CIZ1: variants seen among roughly 807,000 people sequenced by gnomAD.
CIZ1 encodes CDKN1A interacting zinc finger protein 1, also known as cip1-interacting zinc finger protein.
A neutral mutation model predicts 118.6 loss-of-function variants in CIZ1; 58 were observed. The observed-to-expected ratio is 0.49, with a 90% CI of 0.40 to 0.61. CIZ1 has a LOEUF of 0.61. CIZ1 is among the 20% of genes least tolerant of loss of function. The pLI is 0.00. For missense variants in CIZ1, 921 were observed against 1,115.9 expected, an observed-to-expected ratio of 0.83 and a Z score of 2.49; for synonymous variants, 448 against 443.4, an observed-to-expected ratio of 1.01 and a Z score of -0.13.
intron 5 of CIZ1, among the ~76,000 whole-genome samples, chr9:128,184,844 T>C (rs1236211291): frequency 6.6e-6 from 1 of 152,060 alleles, no homozygotes; most frequent in East Asian, 1.9e-4. Context: ...CTTTTTTGTA[T>C]TTTTAGTAGA....
intron 5 of CIZ1, among the ~76,000 whole-genome samples, chr9:128,181,307 G>C (rs554272090): frequency 2.8e-4 from 43 of 152,274 alleles, no homozygotes; most frequent in African/African-American, 9.9e-4. Flanking sequence ...GTAGAGTTGG[G>C]GTTTCACTAT....
intron 1 of CIZ1, among the ~76,000 whole-genome samples, chr9:128,201,270 A>C (rs1455064389): frequency 6.6e-6 from 1 of 151,148 alleles, no homozygotes; most frequent in Non-Finnish European, 1.5e-5. Context: ...TCCGTCTCAA[A>C]AAACAAACAA....
chr9:128,176,393 G>C lies in CIZ1; in HGVS notation c.1901C>G (p.Ser634Cys). 6.2e-7 allele frequency: 1 copy of C among 1,614,108 alleles called. No individual in the cohort carries two copies. Among genetic ancestry groups the C allele is most frequent in the Non-Finnish European group, 8.5e-7 (1 of 1,180,002 alleles). Reference protein sequence around the residue: ...IQHMSQACLLSLLPVPRDVLE... With the variant: ...IQHMSQACLLCLLPVPRDVLE... The stretch of plus-strand genomic sequence containing the variant: ...GACGTCCCGGGGCACGGGCAGCAGG[G>C]ACAGGAGGCAGGCTTGGCTCATGTG... Residue 634 changes from serine (S) to cysteine (C), a missense_variant, in exon 11 of 17, where the codon TCC becomes TGC. Ser to Cys is a moderately radical substitution (Grantham distance 112). Transcript: ENST00000372938.
At chr9:128,191,663 T>C (rs1020375164), upstream of CIZ1, 2 of 1,275,950 alleles carry the variant, frequency 1.6e-6, no homozygotes, top group Admixed American at 4.2e-5. This position sits in a 1 kb window ranked among gnomAD's most constrained non-coding sequence, Gnocchi z 5.5. Context: ...GCCCGCCCAG[T>C]GCACAAGTCA....
At chr9:128,169,281 T>A in intron 13 of CIZ1, 80 bp from the exon 14 acceptor site, 1 of 607,318 alleles carries the variant, frequency 1.6e-6, no homozygotes, top group Non-Finnish European at 2.5e-6. Flanking sequence ...ACCCCTCCCC[T>A]GAGAGTCCCA....
At chr9:128,185,418 C>T (rs1405871342) in intron 5 of CIZ1, 129 bp downstream of exon 5, 7 of 505,238 alleles carry the variant, frequency 1.4e-5, no homozygotes, top group Non-Finnish European at 2.4e-5. Flanking sequence ...CCTCATTTTA[C>T]AGATGAGGAA....
At chr9:128,169,358 G>A (rs376604922) in intron 13 of CIZ1, 48 bp downstream of exon 13, 64 of 1,527,714 alleles carry the variant, frequency 4.2e-5, no homozygotes, top group African/African-American at 9.8e-5. Flanking sequence ...CCTTGGCCAA[G>A]GCTCTGTACC....
At position 128,187,833 on chromosome 9, in the gene CIZ1, T is replaced by TTA. The variant is rs758366536; in HGVS notation, c.358+28_358+29dup. 1.5e-3 allele frequency: 828 copies of TTA among 570,392 alleles called. 1 individual carries two copies. The highest frequency in any genetic ancestry group is 7.3e-3 in the Middle Eastern group (15 of 2,052). 35.3% of individuals were successfully genotyped at this position (570,392 alleles called of 1,614,324 possible). A position where few individuals can be genotyped will look rare whatever the true frequency, so the allele number is the denominator to read the frequency against. The stretch of plus-strand genomic sequence containing the variant: ...AACTTAATTATATGTATATATACAT[T>TTA]TATATATATATATAAAAAGCATATA... On this transcript the variant is annotated intron_variant, in intron 4 of 16. Transcript: ENST00000372938.
chr9:128,182,037 T>C (rs1350036844), intron 5 of CIZ1, among the ~76,000 whole-genome samples: 1 of 152,182 alleles, frequency 6.6e-6, no homozygotes, highest in African/African-American at 2.4e-5. Flanking sequence ...AAGCTGTCTT[T>C]CTCTTTGTCT....
Position 128,182,330 on chromosome 9 carries a change from C to A in CIZ1, c.589-1516G>T, listed in dbSNP as rs983175927. Among the ~76,000 whole-genome samples, 23 of 152,172 alleles carry A rather than the reference C, an allele frequency of 1.5e-4. 1 individual carries two copies. Among genetic ancestry groups the A allele is most frequent in the Non-Finnish European group, 5.9e-5 (4 of 68,034 alleles). ...TCGCCGCACACAGGGAGAGACGCAC[C>A]GACCCTGTGGGGCTGGTCCCTACAG... On this transcript the variant is annotated intron_variant, in intron 5 of 16. Transcript: ENST00000372938.
chr9:128,182,920 G>A (rs45592834), intron 5 of CIZ1, among the ~76,000 whole-genome samples: 21 of 152,016 alleles, frequency 1.4e-4, no homozygotes, highest in South Asian at 8.3e-4. Context: ...CATTGCACCC[G>A]GCCTCCACAG....
At chr9:128,189,745 G>A (rs374367609) in intron 3 of CIZ1, among the ~76,000 whole-genome samples, 22 of 146,382 alleles carry the variant, frequency 1.5e-4, no homozygotes, top group African/African-American at 3.6e-4. Flanking sequence ...GCTTGGACCC[G>A]GGAACCGGAG....
chr9:128,200,696 G>T (rs1352704109), intron 1 of CIZ1, among the ~76,000 whole-genome samples: 80 of 151,896 alleles, frequency 5.3e-4, no homozygotes, highest in Non-Finnish European at 9.1e-4. Context: ...AATTAGCTGG[G>T]CGTGGTGGTG....
chr9:128,178,254 A>C, intron 9 of CIZ1, 115 bp downstream of exon 9: 1 of 1,301,906 alleles, frequency 7.7e-7, no homozygotes, highest in Non-Finnish European at 1.1e-6. Context: ...CTGTCATCCC[A>C]TTTCACGGTG....
rs138675221 is a variant in CIZ1, at chr9:128,182,329, C to T, written c.589-1515G>A. 3.8e-3 allele frequency among the ~76,000 whole-genome samples: 574 copies of T among 152,300 alleles called. 4 individuals are homozygous for T. The highest frequency in any genetic ancestry group is 0.031 in the Middle Eastern group (9 of 294). On this transcript the variant is annotated intron_variant, in intron 5 of 16. Transcript: ENST00000372938. The stretch of plus-strand genomic sequence containing the variant: ...GTCGCCGCACACAGGGAGAGACGCA[C>T]CGACCCTGTGGGGCTGGTCCCTACA...
chr9:128,201,606 A>G (rs771075070), intron 1 of CIZ1, among the ~76,000 whole-genome samples: 6 of 152,192 alleles, frequency 3.9e-5, no homozygotes, highest in South Asian at 2.1e-4. Flanking sequence ...ACAGGTTGGC[A>G]TGGAACAGCT....
upstream of CIZ1, among the ~76,000 whole-genome samples, chr9:128,194,965 A>G (rs1052556068): frequency 2.6e-5 from 4 of 152,018 alleles, no homozygotes; most frequent in Non-Finnish European, 5.9e-5. Flanking sequence ...CTACAAGTCC[A>G]TGCCACCACG....
At chr9:128,173,816 C>A (rs1251154181) in intron 11 of CIZ1, among the ~76,000 whole-genome samples, 4 of 151,906 alleles carry the variant, frequency 2.6e-5, no homozygotes. Flanking sequence ...ACCATCCTGG[C>A]TAACACAGAG....
Position 128,203,171 on chromosome 9 carries a change from G to A in CIZ1, c.-6+1015C>T, listed in dbSNP as rs1833587866. The stretch of plus-strand genomic sequence containing the variant: ...TACTAGGAGTGAGACCCAACCCATT[G>A]ACAAATATATTCTGCGCAGCATCCG... On this transcript the variant is annotated intron_variant, in intron 1 of 17. Transcript: ENST00000372948. The surrounding 1 kb of genome is among the most constrained non-coding windows in gnomAD (Gnocchi z 5.3). Among the ~76,000 whole-genome samples, 1 of 152,152 alleles carries A rather than the reference G, an allele frequency of 6.6e-6. No individual in the cohort carries two copies. The highest frequency in any genetic ancestry group is 1.5e-5 in the Non-Finnish European group (1 of 68,022).
Sources: gnomAD v4.1 joint callset for allele counts (sites outside exome capture counted in the v4.1 genomes callset) on GRCh38, gnomAD v4.1.1 for gene constraint, Gnocchi (gnomAD v3.1) non-coding constraint, MANE v1.5 for transcripts, NCBI Gene and HGNC (gene_info 2026-07-23, HGNC 2026-07-21) for gene names.